The following FKBP5 variants were observed in gnomAD, a reference collection of about 807,000 sequenced individuals.
FKBP5 encodes the protein FKBP prolyl isomerase 5.
FKBP5 carries 23 observed loss-of-function variants against 50.5 expected under a neutral mutation model. The ratio of observed to expected loss-of-function variants is 0.46; its 90% CI spans 0.33 to 0.65. The LOEUF (loss-of-function observed/expected upper bound fraction) is 0.65, where lower values mean the gene tolerates loss of function less well. Ranked by LOEUF, FKBP5 falls within the 30% of genes least tolerant of loss-of-function variation. The probability of loss-of-function intolerance (pLI) is 0.02; values close to 1 mark genes in which losing one functional copy is unlikely to be tolerated. For missense variants in FKBP5, 411 were observed against 553.1 expected, an observed-to-expected ratio of 0.74 and a Z score of 2.58; for synonymous variants, 176 against 190.6, an observed-to-expected ratio of 0.92 and a Z score of 0.63.
chr6:35,649,940 T>A (rs1764748206), intron 1 of FKBP5, among the ~76,000 whole-genome samples: 1 of 152,238 alleles, frequency 6.6e-6, no homozygotes, highest in African/African-American at 2.4e-5. Flanking sequence ...AAATGCATAC[T>A]ATAAAAATAT....
intron 2 of FKBP5, among the ~76,000 whole-genome samples, chr6:35,706,838 T>C (rs1030555953): frequency 6.6e-5 from 10 of 152,230 alleles, no homozygotes; most frequent in Non-Finnish European, 1.2e-4. Context: ...GGGATTGTTT[T>C]ATTAAATTAT....
intron 3 of FKBP5, among the ~76,000 whole-genome samples, 197 bp downstream of exon 3, chr6:35,636,817 A>C (rs912306153): frequency 3.3e-5 from 5 of 152,146 alleles, no homozygotes; most frequent in African/African-American, 1.2e-4. Flanking sequence ...ATAATATCTT[A>C]GTATTGTTAT....
At chr6:35,649,996 T>C (rs1400633975) in intron 1 of FKBP5, among the ~76,000 whole-genome samples, 1 of 152,228 alleles carries the variant, frequency 6.6e-6, no homozygotes, top group Non-Finnish European at 1.5e-5. Flanking sequence ...TAGAGAATCA[T>C]TTAGCTAAGA....
At chr6:35,707,854 G>C (rs1248066639) in intron 2 of FKBP5, among the ~76,000 whole-genome samples, 2 of 152,252 alleles carry the variant, frequency 1.3e-5, no homozygotes, top group East Asian at 3.9e-4. Context: ...ATGGCCTCCA[G>C]CTCCATGTTC....
Position 35,709,411 on chromosome 6 carries a change from T to TGATA in FKBP5, c.-20+10913_-20+10916dup, listed in dbSNP as rs573195499. Among the ~76,000 whole-genome samples, 10 of 152,326 alleles carry TGATA rather than the reference T, an allele frequency of 6.6e-5. No homozygotes were observed. The South Asian group carries it at 2.1e-3, about 32-fold the overall frequency. On this transcript the variant is annotated intron_variant, in intron 2 of 11. Coordinates refer to the FKBP5 transcript ENST00000536438. ...CAAGGTGCAAGCAATGCATACAGTA[T>TGATA]GATACTATTTTTGGAAAAAAGTGCA...
intron 5 of FKBP5, among the ~76,000 whole-genome samples, chr6:35,613,468 G>A (rs1763553908): frequency 1.3e-5 from 2 of 152,114 alleles, no homozygotes; most frequent in African/African-American, 2.4e-5. Flanking sequence ...TGCCCACCTC[G>A]GCCTCCCAAA....
At chr6:35,590,766 C>A (rs907256681) in intron 7 of FKBP5, among the ~76,000 whole-genome samples, 2 of 151,974 alleles carry the variant, frequency 1.3e-5, no homozygotes, top group Non-Finnish European at 2.9e-5. Flanking sequence ...CACCCCACTC[C>A]CCCAAGGAGC....
rs1288407954 is a variant in FKBP5, at chr6:35,660,929, C to T, written c.-19-18086G>A. Among the ~76,000 whole-genome samples the T allele has an allele frequency of 3.9e-4, 32 of 82,552 alleles. 14 individuals carry two copies. 54.2% of individuals were successfully genotyped at this position (82,552 alleles called of 152,430 possible). ...ATGAAAGGCCATACATTATATGATC[C>T]CATTTATACGAAAGGTTCAGAATAG... is the stretch of plus-strand genomic sequence containing the variant. On this transcript the variant is annotated intron_variant, in intron 1 of 10. Transcript: ENST00000357266.
intron 1 of FKBP5, among the ~76,000 whole-genome samples, chr6:35,725,212 C>T (rs1452895212): frequency 6.6e-6 from 1 of 152,116 alleles, no homozygotes; most frequent in Non-Finnish European, 1.5e-5. Context: ...ATGTGTGACT[C>T]CTGGGGGTGA....
intron 6 of FKBP5, among the ~76,000 whole-genome samples, chr6:35,593,587 C>T (rs936131867): frequency 3.3e-5 from 5 of 152,116 alleles, no homozygotes; most frequent in Non-Finnish European, 5.9e-5. Context: ...AAGAGTTTCA[C>T]TCTGTCACCC....
intron 5 of FKBP5, among the ~76,000 whole-genome samples, chr6:35,610,602 A>C (rs2099423765): frequency 6.6e-6 from 1 of 151,248 alleles, no homozygotes; most frequent in Non-Finnish European, 1.5e-5. Context: ...GTTTCAAAAA[A>C]TACATTCATT....
In FKBP5 at chr6:35,575,815, C is replaced by T; in HGVS notation, c.*20G>A. 1 of 1,523,328 alleles carries T rather than the reference C, an allele frequency of 6.6e-7. No individual in the cohort carries two copies. The highest frequency in any genetic ancestry group is 9.1e-7 in the Non-Finnish European group (1 of 1,097,072). 94.4% of individuals were successfully genotyped at this position (1,523,328 alleles called of 1,614,324 possible). A position where few individuals can be genotyped will look rare whatever the true frequency, so the allele number is the denominator to read the frequency against. On this transcript the variant is annotated 3_prime_UTR_variant, in exon 11 of 11. Transcript: ENST00000357266. ...AGGAGGGGCCGAGTTCACTGGGACT[C>T]TTCCCTCCTTGGCGTGGCGTCATAC... is the stretch of plus-strand genomic sequence containing the variant.
At chr6:35,628,566 C>T (rs1014045941) in intron 3 of FKBP5, among the ~76,000 whole-genome samples, 17 of 152,186 alleles carry the variant, frequency 1.1e-4, no homozygotes, top group Admixed American at 7.2e-4. Flanking sequence ...AATTTCTGAT[C>T]TCTATTTTAA....
At chr6:35,594,408 A>G (rs1382352677) in intron 6 of FKBP5, among the ~76,000 whole-genome samples, 1 of 152,140 alleles carries the variant, frequency 6.6e-6, no homozygotes, top group Non-Finnish European at 1.5e-5. Flanking sequence ...TCAGAGTCAC[A>G]GAGAAGGTCT....
intron 1 of FKBP5, among the ~76,000 whole-genome samples, chr6:35,722,692 T>C (rs530760120): frequency 6.6e-6 from 1 of 152,316 alleles, no homozygotes; most frequent in African/African-American, 2.4e-5. Context: ...ATACACACTG[T>C]TCCTTCTACC....
At chr6:35,679,143 T>G (rs1440681513) in intron 1 of FKBP5, among the ~76,000 whole-genome samples, 1 of 152,202 alleles carries the variant, frequency 6.6e-6, no homozygotes, top group Non-Finnish European at 1.5e-5. Context: ...GGGGAATGGG[T>G]ACATGGAGGT....
chr6:35,703,490 A>G (rs1766229306), intron 2 of FKBP5, among the ~76,000 whole-genome samples: 1 of 152,210 alleles, frequency 6.6e-6, no homozygotes, highest in African/African-American at 2.4e-5. Context: ...CCCTGATTTG[A>G]TCATTATACA....
intron 1 of FKBP5, among the ~76,000 whole-genome samples, chr6:35,663,919 A>AGTCAG (rs1765144456): frequency 6.6e-6 from 1 of 152,200 alleles, no homozygotes; most frequent in African/African-American, 2.4e-5. Flanking sequence ...TGACATTGAG[A>AGTCAG]TTGTTACTAC....
chr6:35,681,303 G>A (rs1170951257), intron 1 of FKBP5, among the ~76,000 whole-genome samples: 2 of 152,132 alleles, frequency 1.3e-5, no homozygotes, highest in Non-Finnish European at 1.5e-5. Context: ...CAACTTTTCT[G>A]TAAGTTAAAA....
Sources: allele counts gnomAD v4.1 joint callset (sites outside exome capture counted in the v4.1 genomes callset), GRCh38; gene constraint gnomAD v4.1.1; transcripts MANE v1.5; gene names NCBI Gene and HGNC (gene_info 2026-07-23, HGNC 2026-07-21).